Variants in DNM3 observed in about 807,000 individuals in gnomAD.
DNM3 encodes the protein dynamin-3.
Under a neutral mutation model 101.6 loss-of-function variants are expected in DNM3, and 47 were observed. The observed-to-expected ratio is 0.46, with a 90% CI of 0.37 to 0.59. The LOEUF is 0.59. DNM3 is among the 20% of genes least tolerant of loss of function. The probability of loss-of-function intolerance (pLI) is 0.00; values close to 1 mark genes in which losing one functional copy is unlikely to be tolerated. For missense variants in DNM3, 849 were observed against 1,085.7 expected (o/e 0.78, Z 3.06); for synonymous variants, 385 against 387.9 (o/e 0.99, Z 0.09).
intron 9 of DNM3, among the ~76,000 whole-genome samples, chr1:172,045,996 G>T (rs890199830): frequency 5.3e-5 from 8 of 152,320 alleles, no homozygotes; most frequent in African/African-American, 1.7e-4. Flanking sequence ...AGTCAGTGTG[G>T]AGATTCCTCA....
chr1:172,274,594 T>G (rs1385696388), intron 15 of DNM3, among the ~76,000 whole-genome samples: 2 of 151,982 alleles, frequency 1.3e-5, no homozygotes, highest in African/African-American at 4.8e-5. Context: ...GCTGTTGGAT[T>G]TTTTTTACTA....
chr1:172,150,728 A>G (rs936179979), intron 14 of DNM3, among the ~76,000 whole-genome samples: 1 of 152,152 alleles, frequency 6.6e-6, no homozygotes, highest in African/African-American at 2.4e-5. Flanking sequence ...CTTCCTTGGC[A>G]AATTATTTAA....
chr1:171,849,515 G>A (rs899877709), intron 1 of DNM3, among the ~76,000 whole-genome samples: 1 of 152,280 alleles, frequency 6.6e-6, no homozygotes. Context: ...ATGGTAATGC[G>A]TATTTGCAAA....
At chr1:172,241,238 G>GGTGTGT (rs2061737232) in intron 14 of DNM3, among the ~76,000 whole-genome samples, 1 of 54,282 alleles carries the variant, frequency 1.8e-5, no homozygotes, top group African/African-American at 8.6e-5. Context: ...TATATACATA[G>GGTGTGT]ATGTGTGTGT....
chr1:172,414,627 C>T (rs1366970719), downstream of DNM3, among the ~76,000 whole-genome samples: 1 of 152,046 alleles, frequency 6.6e-6, no homozygotes, highest in African/African-American at 2.4e-5. Context: ...TTCCTCAGTA[C>T]AGACTCTCAC....
intron 15 of DNM3, among the ~76,000 whole-genome samples, chr1:172,264,090 A>G (rs568228711): frequency 6.6e-6 from 1 of 152,350 alleles, no homozygotes; most frequent in South Asian, 2.1e-4. Flanking sequence ...GCATCATAGA[A>G]GGTGACTTTC....
intron 15 of DNM3, among the ~76,000 whole-genome samples, chr1:172,293,231 C>T (rs2064002841): frequency 6.6e-6 from 1 of 152,308 alleles, no homozygotes; most frequent in East Asian, 1.9e-4. Context: ...GATGTTTGAA[C>T]AGCTGACATA....
chr1:172,141,249 T>C (rs1558632763), intron 14 of DNM3, among the ~76,000 whole-genome samples: 1 of 152,074 alleles, frequency 6.6e-6, no homozygotes, highest in Non-Finnish European at 1.5e-5. Flanking sequence ...AATGAGTAAA[T>C]ATTTATTTCT....
intron 1 of DNM3, among the ~76,000 whole-genome samples, chr1:171,896,625 T>C (rs897401074): frequency 1.3e-5 from 2 of 152,244 alleles, no homozygotes; most frequent in Non-Finnish European, 2.9e-5. Flanking sequence ...CTTTTCCTAA[T>C]TGAATACCCT....
chr1:172,154,056 C>T (rs2058245334), intron 14 of DNM3, among the ~76,000 whole-genome samples: 1 of 152,076 alleles, frequency 6.6e-6, no homozygotes, highest in Non-Finnish European at 1.5e-5. Context: ...TCTTCTTAAA[C>T]TGTCGTTTCA....
At chr1:172,187,500 C>T (rs1276042593) in intron 14 of DNM3, among the ~76,000 whole-genome samples, 1 of 151,986 alleles carries the variant, frequency 6.6e-6, no homozygotes, top group Non-Finnish European at 1.5e-5. Flanking sequence ...TCTTTCCAAA[C>T]GTGGTTCATC....
At chr1:171,972,946 C>G (rs1558352211) in intron 2 of DNM3, among the ~76,000 whole-genome samples, 3 of 152,176 alleles carry the variant, frequency 2.0e-5, no homozygotes, top group Admixed American at 2.0e-4. Flanking sequence ...TCTCAATACC[C>G]TGAAGTTATT....
chr1:172,317,615 A>G (rs2065452452), intron 16 of DNM3, among the ~76,000 whole-genome samples: 1 of 152,260 alleles, frequency 6.6e-6, no homozygotes, highest in East Asian at 1.9e-4. Flanking sequence ...CAACACCTCT[A>G]TGCAAATAAA....
At chr1:172,077,823 G>A (rs2125976372) in intron 11 of DNM3, among the ~76,000 whole-genome samples, 1 of 152,292 alleles carries the variant, frequency 6.6e-6, no homozygotes, top group East Asian at 1.9e-4. Context: ...GGTCTGCTTG[G>A]TGCAGAGCTG....
At chr1:172,062,701 T>C (rs1464705911) in intron 10 of DNM3, among the ~76,000 whole-genome samples, 1 of 152,190 alleles carries the variant, frequency 6.6e-6, no homozygotes, top group African/African-American at 2.4e-5. Context: ...ATGCCACTCA[T>C]ATGCCAATGT....
intron 13 of DNM3, among the ~76,000 whole-genome samples, chr1:172,107,588 G>T (rs1447972851): frequency 6.6e-6 from 1 of 152,182 alleles, no homozygotes; most frequent in Non-Finnish European, 1.5e-5. Context: ...CTATAAAGGT[G>T]TCACGAGATC....
intron 17 of DNM3, among the ~76,000 whole-genome samples, chr1:172,342,211 A>G (rs1013026818): frequency 1.3e-5 from 2 of 152,168 alleles, no homozygotes; most frequent in African/African-American, 4.8e-5. Context: ...GTTTCCTCAA[A>G]GAATAAAAAC....
At chr1:172,362,977 T>A (rs1399101826) in intron 17 of DNM3, among the ~76,000 whole-genome samples, 1 of 151,924 alleles carries the variant, frequency 6.6e-6, no homozygotes, top group Non-Finnish European at 1.5e-5. Flanking sequence ...TCACCTTTTT[T>A]TTAACTCCTT....
intron 2 of DNM3, among the ~76,000 whole-genome samples, chr1:171,956,415 A>G (rs990220811): frequency 6.6e-6 from 1 of 152,136 alleles, no homozygotes; most frequent in East Asian, 1.9e-4. Flanking sequence ...AAAGCTCCAA[A>G]ATGATCTCCT....
Sources: allele counts gnomAD v4.1 joint callset (sites outside exome capture counted in the v4.1 genomes callset), GRCh38; gene constraint gnomAD v4.1.1; transcripts MANE v1.5; gene names NCBI Gene and HGNC (gene_info 2026-07-23, HGNC 2026-07-21).